The following IRAK3 variants were observed in gnomAD, a reference collection of about 807,000 sequenced individuals.
The protein encoded by IRAK3 is interleukin-1 receptor-associated kinase 3.
IRAK3 carries 57 observed loss-of-function variants against 56.6 expected under a neutral mutation model. The ratio of observed to expected loss-of-function variants is 1.01; its 90% CI spans 0.81 to 1.26. The LOEUF is 1.26. Among genes scored for constraint, IRAK3 ranks in the 50% most tolerant of loss-of-function variants. The pLI is 0.00. For synonymous variants in IRAK3, 258 were observed against 255.7 expected, an observed-to-expected ratio of 1.01 and a Z score of -0.09; for missense variants, 703 against 719.0, an observed-to-expected ratio of 0.98 and a Z score of 0.25.
At chr12:66,234,773 C>A (rs1277695904) in intron 8 of IRAK3, 3 of 1,594,478 alleles carry the variant, frequency 1.9e-6, no homozygotes, top group Non-Finnish European at 2.6e-6. Flanking sequence ...ACTGGCATCA[C>A]GTAGTATCCT....
chr12:66,194,980 C>T (rs1186274477), intron 1 of IRAK3, among the ~76,000 whole-genome samples: 1 of 152,110 alleles, frequency 6.6e-6, no homozygotes, highest in African/African-American at 2.4e-5. Flanking sequence ...TATACTACTC[C>T]CAAATTTCTA....
chr12:66,224,479 A>T (rs1207785250), intron 6 of IRAK3, among the ~76,000 whole-genome samples: 1 of 152,234 alleles, frequency 6.6e-6, no homozygotes, highest in Admixed American at 6.5e-5. Context: ...GTTTCTTGAT[A>T]GAAATAATAT....
Position 66,250,918 on chromosome 12 carries a change from T to A in IRAK3, c.*2747T>A, listed in dbSNP as rs2053092878. ...CCAGGTGATGCTGATGCCAATGATG[T>A]GAAGCCCGCTCTTCACATCCGTGAA... On this transcript the variant is annotated 3_prime_UTR_variant, in exon 12 of 12. Transcript: ENST00000261233. The A allele has an allele frequency of 2.6e-5, 4 of 152,218 alleles. No individual in the cohort carries two copies. 9.4% of individuals were successfully genotyped at this position (152,218 alleles called of 1,614,324 possible).
In IRAK3 at chr12:66,226,937, C is replaced by G. The variant is rs533004207; in HGVS notation, c.768+100C>G. Reference sequence around the variant, plus strand: ...AGAGTTGGGAGGCAAGATGTGTTTGCATGAGGGGAAAGCCAAGAATGGGTT... The same window carrying G: ...AGAGTTGGGAGGCAAGATGTGTTTGGATGAGGGGAAAGCCAAGAATGGGTT... On this transcript the variant is annotated intron_variant, in intron 7 of 11. Coordinates refer to ENST00000261233, the MANE Select transcript of IRAK3 (RefSeq NM_007199.3). The G allele has an allele frequency of 2.9e-5, 22 of 762,576 alleles. No individual in the cohort carries two copies. The African/African-American group carries it at 3.8e-4, about 13-fold the overall frequency. 47.2% of individuals were successfully genotyped at this position (762,576 alleles called of 1,614,324 possible). A position where few individuals can be genotyped will look rare whatever the true frequency, so the allele number is the denominator to read the frequency against.
intron 8 of IRAK3, among the ~76,000 whole-genome samples, chr12:66,237,043 C>A (rs2052915542): frequency 6.6e-6 from 1 of 152,032 alleles, no homozygotes; most frequent in East Asian, 1.9e-4. Flanking sequence ...AAGAGTGTGG[C>A]CTTTGGGGTC....
At chr12:66,194,663 A>C (rs2052432917) in intron 1 of IRAK3, among the ~76,000 whole-genome samples, 1 of 152,068 alleles carries the variant, frequency 6.6e-6, no homozygotes, top group Non-Finnish European at 1.5e-5. Flanking sequence ...CCCCGTCTCT[A>C]CTAAAAATGC....
chr12:66,244,462 G>A, intron 8 of IRAK3, 24 bp from the exon 9 acceptor site: 1 of 1,588,418 alleles, frequency 6.3e-7, no homozygotes, highest in Non-Finnish European at 8.6e-7. Flanking sequence ...ATTTTGTCTT[G>A]TTTGTCCCTG....
chr12:66,214,299 G>A (rs1047267278), intron 5 of IRAK3, among the ~76,000 whole-genome samples: 3 of 151,744 alleles, frequency 2.0e-5, no homozygotes, highest in East Asian at 1.9e-4. Context: ...TGAGGTGGGC[G>A]GATCACTTGA....
intron 8 of IRAK3, among the ~76,000 whole-genome samples, chr12:66,242,668 CTGA>C (rs1195992620): frequency 1.3e-5 from 2 of 152,192 alleles, no homozygotes; most frequent in Non-Finnish European, 2.9e-5. Context: ...GAGCACACAG[CTGA>C]TAAGAGGCCC....
chr12:66,203,640 A>G, intron 1 of IRAK3, 71 bp from the exon 2 acceptor site: 5 of 1,296,602 alleles, frequency 3.9e-6, no homozygotes, highest in Non-Finnish European at 4.4e-6. Context: ...ATAAAACATT[A>G]GGTACACAAA....
chr12:66,227,347 C>T (rs1396109319), intron 7 of IRAK3, among the ~76,000 whole-genome samples: 2 of 152,076 alleles, frequency 1.3e-5, no homozygotes, highest in Non-Finnish European at 2.9e-5. Context: ...AATCCCAGCA[C>T]TTTGGGAGGG....
Position 66,244,479 on chromosome 12 carries a change from A to G in IRAK3, c.888-7A>G, listed in dbSNP as rs781013585. 6.2e-6 allele frequency: 10 copies of G among 1,612,990 alleles called. No homozygotes were observed. The highest frequency in any genetic ancestry group is 2.2e-5 in the East Asian group (1 of 44,876). ...TTTGTCTTGTTTGTCCCTGATCACAATTTTAGTGCAAACATCCTTTTGGAT... is the reference window on the plus strand; with the variant it reads ...TTTGTCTTGTTTGTCCCTGATCACAGTTTTAGTGCAAACATCCTTTTGGAT... On this transcript the variant is annotated splice_region_variant and splice_polypyrimidine_tract_variant and intron_variant, in intron 8 of 11. Coordinates refer to ENST00000261233, the MANE Select transcript of IRAK3 (RefSeq NM_007199.3).
intron 8 of IRAK3, among the ~76,000 whole-genome samples, chr12:66,244,267 T>C (rs2053003771): frequency 6.6e-6 from 1 of 152,254 alleles, no homozygotes; most frequent in Non-Finnish European, 1.5e-5. Context: ...ATGCCCACTG[T>C]TCATAGGTCA....
At chr12:66,224,693 A>G (rs569803371) in intron 6 of IRAK3, among the ~76,000 whole-genome samples, 79 of 152,306 alleles carry the variant, frequency 5.2e-4, no homozygotes, top group African/African-American at 1.8e-3. Flanking sequence ...TTGGAAATAG[A>G]TGTTTTAATT....
chr12:66,212,413 C>T (rs1227239735), intron 5 of IRAK3, among the ~76,000 whole-genome samples: 1 of 152,164 alleles, frequency 6.6e-6, no homozygotes, highest in Non-Finnish European at 1.5e-5. Flanking sequence ...CAGGATCAAG[C>T]TCAGGAGTCA....
At chr12:66,194,909 G>C (rs1209353458) in intron 1 of IRAK3, among the ~76,000 whole-genome samples, 2 of 151,748 alleles carry the variant, frequency 1.3e-5, no homozygotes, top group African/African-American at 4.8e-5. Flanking sequence ...CGTGCCCCTG[G>C]GCTTAGTCCA....
intron 5 of IRAK3, among the ~76,000 whole-genome samples, chr12:66,215,746 C>T (rs2052664382): frequency 6.9e-6 from 1 of 144,420 alleles, no homozygotes; most frequent in African/African-American, 2.6e-5. Context: ...CGGACTTTGC[C>T]CTTCTGCTTT....
At position 66,247,956 on chromosome 12, in the gene IRAK3, A is replaced by G. The variant is rs748305138; in HGVS notation, c.1576A>G (p.Lys526Glu). 6.2e-7 allele frequency: 1 copy of G among 1,613,034 alleles called. No individual in the cohort carries two copies. Among genetic ancestry groups the G allele is most frequent in the South Asian group, 1.1e-5 (1 of 90,866 alleles). The change falls in exon 12 of 12, where the codon AAG becomes GAG. Residue 526 changes from lysine to glutamate, a missense_variant. Physicochemically the swap from Lys to Glu is moderately conservative, Grantham distance 56. Coordinates refer to ENST00000261233, the MANE Select transcript of IRAK3 (RefSeq NM_007199.3). ...GAGCTTGGACAAAAAGCCAGAGAGC[A>G]AGAGAAATGAGGAAGCTTGCAACAT... ...FLSLDKKPESKRNEEACNMPS... is the reference protein window; with the variant it reads ...FLSLDKKPESERNEEACNMPS...
At chr12:66,223,493 A>T (rs2052755875) in intron 6 of IRAK3, among the ~76,000 whole-genome samples, 1 of 151,506 alleles carries the variant, frequency 6.6e-6, no homozygotes, top group African/African-American at 2.4e-5. Flanking sequence ...CCCCGTCTCT[A>T]CTAAAAATAC....
Sources: gnomAD v4.1 joint callset for allele counts (sites outside exome capture counted in the v4.1 genomes callset) on GRCh38, gnomAD v4.1.1 for gene constraint, MANE v1.5 for transcripts, NCBI Gene and HGNC (gene_info 2026-07-23, HGNC 2026-07-21) for gene names.